KCNK2: variants seen among roughly 807,000 people sequenced by gnomAD.
KCNK2 encodes the protein potassium channel subfamily K member 2.
A neutral mutation model predicts 40.5 loss-of-function variants in KCNK2; 21 were observed. That is an observed-to-expected ratio of 0.52 (90% CI 0.37 to 0.75). The LOEUF is 0.75. Ranked by LOEUF, KCNK2 falls within the 30% of genes least tolerant of loss-of-function variation. The pLI is 0.00. For synonymous variants in KCNK2, 191 were observed against 202.2 expected, an observed-to-expected ratio of 0.94 and a Z score of 0.47; for missense variants, 399 against 531.6, an observed-to-expected ratio of 0.75 and a Z score of 2.45.
intron 5 of KCNK2, among the ~76,000 whole-genome samples, chr1:215,184,941 A>G (rs1571705986): frequency 6.6e-6 from 1 of 152,350 alleles, no homozygotes; most frequent in South Asian, 2.1e-4. Context: ...TATATTTGTG[A>G]CCATTGTATA....
intron 6 of KCNK2, among the ~76,000 whole-genome samples, chr1:215,220,864 T>G (rs886860975): frequency 6.6e-6 from 1 of 152,192 alleles, no homozygotes; most frequent in African/African-American, 2.4e-5. Flanking sequence ...TGACTTGGCA[T>G]TTTCTGAATA....
At chr1:215,040,434 T>C (rs1446069747) in intron 1 of KCNK2, among the ~76,000 whole-genome samples, 1 of 152,162 alleles carries the variant, frequency 6.6e-6, no homozygotes, top group African/African-American at 2.4e-5. Context: ...AAGACATTAT[T>C]CATTAGGATT....
intron 1 of KCNK2, among the ~76,000 whole-genome samples, chr1:215,006,476 T>C (rs1656132121): frequency 6.6e-6 from 1 of 152,232 alleles, no homozygotes; most frequent in South Asian, 2.1e-4. Flanking sequence ...TTAAACTAAA[T>C]CTTGAGAACT....
intron 2 of KCNK2, among the ~76,000 whole-genome samples, chr1:215,101,769 C>G (rs781661049): frequency 2.0e-5 from 3 of 151,790 alleles, no homozygotes; most frequent in Non-Finnish European, 4.4e-5. Flanking sequence ...TATGACGTAG[C>G]CATCAAAATG....
chr1:215,198,735 T>C (rs895297924), intron 6 of KCNK2, among the ~76,000 whole-genome samples: 48 of 152,254 alleles, frequency 3.2e-4, no homozygotes, highest in African/African-American at 1.1e-3. Context: ...TAGTTTTCAG[T>C]TTTGATGAAT....
At position 215,071,310 on chromosome 1, in the gene KCNK2, C is replaced by T. The variant is rs1331175367; in HGVS notation, c.35-15058C>T. ...GTTATTACCTAATCATGCACATTAT[C>T]ACATAGAGGGGTTTGCAGGGATGAT... is the stretch of plus-strand genomic sequence containing the variant. On this transcript the variant is annotated intron_variant, in intron 1 of 6. Transcript: ENST00000391895. 1.3e-5 allele frequency among the ~76,000 whole-genome samples: 2 copies of T among 152,166 alleles called. 1 individual carries two copies. The highest frequency in any genetic ancestry group is 1.3e-4 in the Admixed American group (2 of 15,272).
chr1:215,157,573 A>T (rs1190872437), intron 3 of KCNK2, among the ~76,000 whole-genome samples: 1 of 152,222 alleles, frequency 6.6e-6, no homozygotes. Flanking sequence ...TCCTCAAGGG[A>T]AACATTTTGA....
At chr1:215,208,903 C>T (rs1336676229) in intron 6 of KCNK2, among the ~76,000 whole-genome samples, 2 of 151,960 alleles carry the variant, frequency 1.3e-5, no homozygotes, top group Non-Finnish European at 2.9e-5. Context: ...TCTTGGCTCA[C>T]TACAACCTCC....
intron 1 of KCNK2, among the ~76,000 whole-genome samples, chr1:215,040,724 C>A (rs1456379729): frequency 2.6e-5 from 4 of 152,114 alleles, no homozygotes; most frequent in African/African-American, 9.7e-5. Context: ...CTTGAGCAAA[C>A]CAGTTCTCAC....
intron 3 of KCNK2, among the ~76,000 whole-genome samples, chr1:215,144,860 A>G (rs1662345393): frequency 6.6e-6 from 1 of 152,208 alleles, no homozygotes; most frequent in Non-Finnish European, 1.5e-5. Flanking sequence ...CTGTCATAAA[A>G]TTATTATACC....
chr1:215,049,114 A>G (rs771993190), intron 1 of KCNK2, among the ~76,000 whole-genome samples: 2 of 152,210 alleles, frequency 1.3e-5, no homozygotes, highest in Non-Finnish European at 1.5e-5. Flanking sequence ...TCAGCGTTAT[A>G]TGAGTGATCC....
chr1:215,145,387 C>G lies in KCNK2; in HGVS notation c.475+20637C>G, dbSNP rs144668825. 1.9e-3 allele frequency among the ~76,000 whole-genome samples: 287 copies of G among 152,252 alleles called. 2 individuals carry two copies. The highest frequency in any genetic ancestry group is 6.6e-3 in the African/African-American group (275 of 41,546). On this transcript the variant is annotated intron_variant, in intron 3 of 6. Coordinates refer to ENST00000444842, the MANE Select transcript of KCNK2 (RefSeq NM_001017425.3). ...TAGGATTTAAACCAAGACACCTGGG[C>G]TCTAGAGCCTGAAGTCTTAACTGCT...
At chr1:215,232,745 G>A (rs894018360) in intron 6 of KCNK2, among the ~76,000 whole-genome samples, 1 of 152,174 alleles carries the variant, frequency 6.6e-6, no homozygotes, top group African/African-American at 2.4e-5. Flanking sequence ...GTAAAGTGGT[G>A]GCGGGTTCTG....
intron 4 of KCNK2, among the ~76,000 whole-genome samples, chr1:215,170,447 G>C (rs1255772755): frequency 1.3e-5 from 2 of 152,064 alleles, no homozygotes; most frequent in Non-Finnish European, 2.9e-5. Flanking sequence ...GGATTATAAA[G>C]GATTTGTTAC....
At chr1:215,041,441 T>C (rs1657559088) in intron 1 of KCNK2, among the ~76,000 whole-genome samples, 3 of 151,970 alleles carry the variant, frequency 2.0e-5, no homozygotes, top group Non-Finnish European at 4.4e-5. Flanking sequence ...TGGTAAGTTT[T>C]GTTTCTTGTG....
intron 1 of KCNK2, among the ~76,000 whole-genome samples, chr1:215,027,693 T>C (rs1352054317): frequency 6.6e-6 from 1 of 152,196 alleles, no homozygotes; most frequent in African/African-American, 2.4e-5. Context: ...ATCATGTTGA[T>C]ACTTAATTTA....
chr1:215,227,611 A>G (rs907313520), intron 6 of KCNK2, among the ~76,000 whole-genome samples: 1 of 152,146 alleles, frequency 6.6e-6, no homozygotes, highest in Non-Finnish European at 1.5e-5. Flanking sequence ...AGGGGAAAGT[A>G]CTAGGTCGAT....
intron 6 of KCNK2, among the ~76,000 whole-genome samples, chr1:215,207,273 G>A (rs12129983): frequency 0.36 from 54,132 of 151,924 alleles, 9,888 homozygotes; most frequent in South Asian, 0.56. Flanking sequence ...GATCAGTGGC[G>A]GCATTAGATT....
chr1:215,178,312 A>G (rs1274453719), intron 5 of KCNK2, among the ~76,000 whole-genome samples: 1 of 152,174 alleles, frequency 6.6e-6, no homozygotes, highest in East Asian at 1.9e-4. Flanking sequence ...GAAGAAAGAT[A>G]GTTTAACTTC....
Sources: gnomAD v4.1 joint callset for allele counts (sites outside exome capture counted in the v4.1 genomes callset) on GRCh38, gnomAD v4.1.1 for gene constraint, MANE v1.5 for transcripts, NCBI Gene and HGNC (gene_info 2026-07-23, HGNC 2026-07-21) for gene names.